The following ANO2 variants were observed in gnomAD, a reference collection of about 807,000 sequenced individuals.
ANO2 encodes the protein anoctamin 2.
In ANO2, 101 loss-of-function variants were observed where a neutral mutation model predicts 124.2. The observed-to-expected ratio is 0.81, with a 90% CI of 0.69 to 0.96. The LOEUF is 0.96. ANO2 is among the 40% of genes least tolerant of loss of function. The pLI is 0.00. For missense variants in ANO2, 1,293 were observed against 1,274.5 expected (o/e 1.01, Z -0.22); for synonymous variants, 486 against 482.5 (o/e 1.01, Z -0.09).
chr12:5,789,075 A>G (rs572413621), intron 10 of ANO2, among the ~76,000 whole-genome samples: 1 of 152,316 alleles, frequency 6.6e-6, no homozygotes, highest in Non-Finnish European at 1.5e-5. Context: ...AAGGGATGTG[A>G]TCTCACGGGA....
intron 1 of ANO2, among the ~76,000 whole-genome samples, chr12:5,933,302 T>C (rs1482759571): frequency 6.6e-6 from 1 of 152,208 alleles, no homozygotes; most frequent in Non-Finnish European, 1.5e-5. Flanking sequence ...TCTGCTTTTT[T>C]ATTTGCCCTT....
At chr12:5,583,391 C>T (rs552080128) in intron 20 of ANO2, among the ~76,000 whole-genome samples, 6 of 152,236 alleles carry the variant, frequency 3.9e-5, no homozygotes, top group Non-Finnish European at 7.4e-5. Context: ...CGGTGGCTCA[C>T]GCCTGTAATC....
At chr12:5,791,793 A>C (rs115649267) in intron 10 of ANO2, among the ~76,000 whole-genome samples, 8,501 of 152,222 alleles carry the variant, frequency 0.056, 379 homozygotes, top group African/African-American at 0.12. Flanking sequence ...CAGTGGATTG[A>C]TTTACAGTAA....
At chr12:5,713,157 CAG>C (rs1287367176) in intron 14 of ANO2, among the ~76,000 whole-genome samples, 2 of 152,048 alleles carry the variant, frequency 1.3e-5, no homozygotes, top group Non-Finnish European at 2.9e-5. Context: ...GCCCTGAACT[CAG>C]GGGATGAGCA....
intron 19 of ANO2, among the ~76,000 whole-genome samples, chr12:5,603,216 G>GA (rs905173432): frequency 7.3e-5 from 11 of 150,876 alleles, no homozygotes; most frequent in South Asian, 6.3e-4. Context: ...TCATCTCCAG[G>GA]AAAAAAAAAT....
intron 12 of ANO2, among the ~76,000 whole-genome samples, chr12:5,743,091 A>C (rs1257899397): frequency 2.0e-5 from 3 of 152,050 alleles, no homozygotes; most frequent in Admixed American, 6.6e-5. Flanking sequence ...ACCCAAGTGA[A>C]GGTCCCCACA....
At chr12:5,771,943 T>C (rs1952094606) in intron 10 of ANO2, among the ~76,000 whole-genome samples, 1 of 152,188 alleles carries the variant, frequency 6.6e-6, no homozygotes, top group Non-Finnish European at 1.5e-5. Flanking sequence ...ATAAACAGCA[T>C]GAGAGCTTCC....
intron 13 of ANO2, among the ~76,000 whole-genome samples, chr12:5,736,185 G>A (rs540960440): frequency 2.0e-5 from 3 of 152,326 alleles, no homozygotes; most frequent in South Asian, 2.1e-4. Flanking sequence ...GGGGTGGGCC[G>A]TTGGGCTTGG....
chr12:5,725,702 T>A (rs1950410191), intron 14 of ANO2, among the ~76,000 whole-genome samples: 2 of 152,198 alleles, frequency 1.3e-5, no homozygotes, highest in Admixed American at 1.3e-4. Flanking sequence ...TGGGCTCTGG[T>A]AAGGCCAGCT....
chr12:5,719,294 GAC>G (rs1339413709), intron 14 of ANO2, among the ~76,000 whole-genome samples: 4 of 151,904 alleles, frequency 2.6e-5, no homozygotes, highest in African/African-American at 9.7e-5. Flanking sequence ...GGAGAATTAA[GAC>G]ACACACACTC....
At chr12:5,758,148 G>A (rs967111104) in intron 10 of ANO2, among the ~76,000 whole-genome samples, 4 of 152,156 alleles carry the variant, frequency 2.6e-5, no homozygotes, top group African/African-American at 4.8e-5. Flanking sequence ...TCTGAAGCCC[G>A]AGATGGGTTG....
intron 14 of ANO2, among the ~76,000 whole-genome samples, chr12:5,648,977 TACTAA>T (rs1163324839): frequency 1.3e-5 from 2 of 152,200 alleles, no homozygotes; most frequent in African/African-American, 4.8e-5. Context: ...GACATTCTTA[TACTAA>T]AAGATTTCTT....
chr12:5,755,387 TTTTATTTATTTA>T (rs201068770), intron 10 of ANO2, among the ~76,000 whole-genome samples: 1 of 149,098 alleles, frequency 6.7e-6, no homozygotes, highest in Non-Finnish European at 1.5e-5. Flanking sequence ...TTTTTATTTA[TTTTATTTATTTA>T]TTTATTTATT....
At chr12:5,821,466 C>A (rs924818614) in intron 7 of ANO2, among the ~76,000 whole-genome samples, 21 of 152,346 alleles carry the variant, frequency 1.4e-4, no homozygotes, top group African/African-American at 4.6e-4. Context: ...GAAGGCTCTG[C>A]AACAGGTCCA....
chr12:5,861,399 A>C (rs58062073), intron 3 of ANO2, among the ~76,000 whole-genome samples: 106,496 of 152,102 alleles, frequency 0.7, 38,628 homozygotes, highest in East Asian at 0.98. Flanking sequence ...CCTAGCAGGG[A>C]CTGGAGGTCG....
At chr12:5,791,442 G>A (rs1952691657) in intron 10 of ANO2, among the ~76,000 whole-genome samples, 6 of 152,174 alleles carry the variant, frequency 3.9e-5, no homozygotes, top group Admixed American at 3.3e-4. Flanking sequence ...ATAAGCCAAG[G>A]TCGACTATGG....
chr12:5,683,551 G>A (rs1300391299), intron 14 of ANO2, among the ~76,000 whole-genome samples: 1 of 152,096 alleles, frequency 6.6e-6, no homozygotes, highest in Non-Finnish European at 1.5e-5. Context: ...CACATACACC[G>A]TATTTTTCTG....
At chr12:5,576,209 C>T (rs1942401726) in intron 22 of ANO2, among the ~76,000 whole-genome samples, 194 bp from the exon 23 acceptor site, 1 of 152,192 alleles carries the variant, frequency 6.6e-6, no homozygotes, top group Non-Finnish European at 1.5e-5. Flanking sequence ...ATAAGTCCAC[C>T]AGACAGTGGC....
intron 4 of ANO2, among the ~76,000 whole-genome samples, chr12:5,840,468 T>C (rs1013791784): frequency 2.0e-5 from 3 of 152,142 alleles, no homozygotes; most frequent in Non-Finnish European, 4.4e-5. Flanking sequence ...GCTGCATATA[T>C]TGGACAGTAT....
Sources: gnomAD v4.1 joint callset for allele counts (sites outside exome capture counted in the v4.1 genomes callset) on GRCh38, gnomAD v4.1.1 for gene constraint, MANE v1.5 for transcripts, NCBI Gene and HGNC (gene_info 2026-07-23, HGNC 2026-07-21) for gene names.